Variants in ITPR2 observed in about 807,000 individuals in gnomAD.
ITPR2 encodes inositol 1,4,5-trisphosphate-gated calcium channel ITPR2.
Under a neutral mutation model 317.1 loss-of-function variants are expected in ITPR2, and 207 were observed. That is an observed-to-expected ratio of 0.65 (90% confidence interval 0.58 to 0.73). The LOEUF (loss-of-function observed/expected upper bound fraction) is 0.73, where lower values mean the gene tolerates loss of function less well. Ranked by LOEUF, ITPR2 falls within the 30% of genes least tolerant of loss-of-function variation. The pLI is 0.00. For missense variants in ITPR2, 2,613 were observed against 3,284.0 expected, an observed-to-expected ratio of 0.80 and a Z score of 4.99; for synonymous variants, 1,156 against 1,149.1, an observed-to-expected ratio of 1.01 and a Z score of -0.12.
At chr12:26,491,818 G>A (rs1019693672) in intron 39 of ITPR2, among the ~76,000 whole-genome samples, 2 of 152,160 alleles carry the variant, frequency 1.3e-5, no homozygotes, top group African/African-American at 4.8e-5. Flanking sequence ...ACTGAGAGAG[G>A]CAATGGCAAA....
chr12:26,768,570 A>AC (rs1949777187), intron 2 of ITPR2, among the ~76,000 whole-genome samples: 1 of 66,364 alleles, frequency 1.5e-5, no homozygotes, highest in African/African-American at 4.0e-5. Context: ...ACAAATATAT[A>AC]TAAAAAAAAA....
chr12:26,641,845 T>G (rs1380815157), intron 21 of ITPR2, among the ~76,000 whole-genome samples: 2 of 152,144 alleles, frequency 1.3e-5, no homozygotes, highest in African/African-American at 4.8e-5. Flanking sequence ...GGAGGTGGAA[T>G]GAGGAGAGTC....
intron 45 of ITPR2, among the ~76,000 whole-genome samples, chr12:26,456,816 GCACTTGC>G (rs1162790530): frequency 1.3e-5 from 2 of 152,146 alleles, no homozygotes; most frequent in Non-Finnish European, 2.9e-5. Context: ...GGGATTACAG[GCACTTGC>G]CATCACGCCC....
rs114793074 is a variant in ITPR2 at position 26,691,271 on chromosome 12, T to G, written c.996+4335A>C. Reference sequence around the variant, plus strand: ...TCTTTATAACATGAAGACAATTCAGTTTAAAATTGTGTCCTTGTGGCTTTT... The same window carrying G: ...TCTTTATAACATGAAGACAATTCAGGTTAAAATTGTGTCCTTGTGGCTTTT... On this transcript the variant is annotated intron_variant, in intron 10 of 56. Transcript: ENST00000381340. Among the ~76,000 whole-genome samples, 1,280 of 152,288 alleles carry G rather than the reference T, an allele frequency of 8.4e-3. 19 individuals are homozygous for G. Among genetic ancestry groups the G allele is most frequent in the African/African-American group, 0.029 (1,187 of 41,562 alleles).
chr12:26,524,437 G>A (rs1472608708), intron 37 of ITPR2, among the ~76,000 whole-genome samples: 2 of 151,668 alleles, frequency 1.3e-5, no homozygotes, highest in African/African-American at 4.9e-5. Context: ...AATGCCATTG[G>A]ATTTATAAAT....
chr12:26,543,707 C>G (rs1468156778), intron 37 of ITPR2, among the ~76,000 whole-genome samples: 2 of 151,956 alleles, frequency 1.3e-5, no homozygotes, highest in Non-Finnish European at 2.9e-5. Flanking sequence ...AGGTGGAGAT[C>G]GCAGTGAGCC....
rs150105243 is a variant in ITPR2, at chr12:26,645,059, A to C, written c.2740+8917T>G. Among the ~76,000 whole-genome samples the C allele has an allele frequency of 8.1e-3, 1,236 of 152,190 alleles. 9 individuals are homozygous for C. Among genetic ancestry groups the C allele is most frequent in the Non-Finnish European group, 0.012 (825 of 67,996 alleles). ...CTCCCAGAAGCCTCCACTAAACTGC[A>C]TCACAACCCAACTTCTCCCTTTCTC... On this transcript the variant is annotated intron_variant, in intron 21 of 56. Transcript: ENST00000381340.
chr12:26,557,691 AATG>A (rs1944701252), intron 35 of ITPR2, among the ~76,000 whole-genome samples: 1 of 152,204 alleles, frequency 6.6e-6, no homozygotes, highest in Non-Finnish European at 1.5e-5. Context: ...TGCTATGTGA[AATG>A]ATATGGTCTT....
At chr12:26,347,267 T>C (rs1401042671) in intron 55 of ITPR2, among the ~76,000 whole-genome samples, 1 of 152,258 alleles carries the variant, frequency 6.6e-6, no homozygotes, top group Non-Finnish European at 1.5e-5. Flanking sequence ...GTGATTGGCT[T>C]ATGTTAGGCG....
chr12:26,763,928 G>A (rs1300150324), intron 2 of ITPR2, among the ~76,000 whole-genome samples: 4 of 151,964 alleles, frequency 2.6e-5, no homozygotes, highest in South Asian at 2.1e-4. Flanking sequence ...TTAGTGAAAC[G>A]AACAGGTCTA....
chr12:26,747,355 T>A (rs79672034), intron 2 of ITPR2, among the ~76,000 whole-genome samples: 20 of 152,198 alleles, frequency 1.3e-4, no homozygotes, highest in African/African-American at 4.8e-4. Flanking sequence ...GGTTCTTCAC[T>A]GATGCCATTG....
At chr12:26,807,328 C>T (rs1422481194) in intron 1 of ITPR2, among the ~76,000 whole-genome samples, 3 of 152,104 alleles carry the variant, frequency 2.0e-5, no homozygotes, top group Non-Finnish European at 4.4e-5. Context: ...TGTAATAAAA[C>T]AAAACACATA....
chr12:26,750,600 G>A (rs1949397039), intron 2 of ITPR2, among the ~76,000 whole-genome samples: 1 of 152,164 alleles, frequency 6.6e-6, no homozygotes, highest in South Asian at 2.1e-4. Flanking sequence ...GTTGTACTGG[G>A]ACAACAGGTG....
chr12:26,656,602 AC>A (rs1290274606), intron 18 of ITPR2, 54 bp from the exon 19 acceptor site: 1 of 1,566,864 alleles, frequency 6.4e-7, no homozygotes, highest in African/African-American at 1.4e-5. Context: ...AAATCTTTAA[AC>A]GTCATAGTAC....
intron 1 of ITPR2, among the ~76,000 whole-genome samples, chr12:26,808,957 C>G (rs1208471278): frequency 6.6e-6 from 1 of 152,150 alleles, no homozygotes; most frequent in Admixed American, 6.5e-5. Context: ...ACAAAACTAA[C>G]AGCTAACAAC....
chr12:26,814,854 C>A (rs1048316904), intron 1 of ITPR2, among the ~76,000 whole-genome samples: 26 of 152,272 alleles, frequency 1.7e-4, no homozygotes, highest in Admixed American at 4.6e-4. Context: ...CCTTTTCAAT[C>A]CCAATGACTT....
chr12:26,783,393 C>A (rs1467511519), intron 2 of ITPR2, among the ~76,000 whole-genome samples: 1 of 152,182 alleles, frequency 6.6e-6, no homozygotes, highest in Non-Finnish European at 1.5e-5. Context: ...GTCTTCTCTT[C>A]CCTCCACCCT....
chr12:26,520,476 C>T (rs567295560), intron 37 of ITPR2, among the ~76,000 whole-genome samples: 1 of 152,310 alleles, frequency 6.6e-6, no homozygotes, highest in East Asian at 1.9e-4. Flanking sequence ...CCACAACTAA[C>T]CCAGTCTGTA....
chr12:26,618,285 A>C (rs1187183520), intron 26 of ITPR2, among the ~76,000 whole-genome samples: 1 of 152,220 alleles, frequency 6.6e-6, no homozygotes, highest in Non-Finnish European at 1.5e-5. Context: ...TATCATGTTC[A>C]AGTTTGAACT....
Sources: allele counts gnomAD v4.1 joint callset (sites outside exome capture counted in the v4.1 genomes callset), GRCh38; gene constraint gnomAD v4.1.1; transcripts MANE v1.5; gene names NCBI Gene and HGNC (gene_info 2026-07-23, HGNC 2026-07-21).